FKBP15: variants seen among roughly 807,000 people sequenced by gnomAD.
FKBP15 encodes FKBP prolyl isomerase family member 15, also known as FK506-binding protein 15.
A neutral mutation model predicts 158.1 loss-of-function variants in FKBP15; 106 were observed. That is an observed-to-expected ratio of 0.67 (90% CI 0.57 to 0.79). FKBP15 has a LOEUF of 0.79. FKBP15 is among the 30% of genes least tolerant of loss of function. The pLI is 0.00. For missense variants in FKBP15, 1,287 were observed against 1,479.1 expected (o/e 0.87, Z 2.13); for synonymous variants, 547 against 548.6 (o/e 1.00, Z 0.04).
Position 113,198,905 on chromosome 9 carries a change from T to G in FKBP15, c.667A>C (p.Asn223His). Residue 223 changes from asparagine (N) to histidine (H), a missense_variant, in exon 8 of 28, where the codon AAC (asparagine) becomes CAC (histidine). Asn to His is a moderately conservative substitution (Grantham distance 68). Coordinates refer to ENST00000238256, the MANE Select transcript of FKBP15 (RefSeq NM_015258.2). This position sits in a 1 kb window ranked among gnomAD's most constrained non-coding sequence, Gnocchi z 5.2. Reference sequence around the variant, plus strand: ...TTCAAGCGAAGCAACTTATCTTTGTTAGCAGTGGAGTCGAAAACCTGCAAT... The same window carrying G: ...TTCAAGCGAAGCAACTTATCTTTGTGAGCAGTGGAGTCGAAAACCTGCAAT... ...VLGQVFDSTANKDKLLRLKLG... is the reference protein window; with the variant it reads ...VLGQVFDSTAHKDKLLRLKLG... The G allele has an allele frequency of 6.2e-7, 1 of 1,604,660 alleles. No individual in the cohort carries two copies. Among genetic ancestry groups the G allele is most frequent in the Non-Finnish European group, 8.5e-7 (1 of 1,175,152 alleles).
intron 4 of FKBP15, among the ~76,000 whole-genome samples, chr9:113,203,448 A>G (rs894630145): frequency 2.6e-5 from 4 of 152,188 alleles, no homozygotes; most frequent in African/African-American, 7.2e-5. Context: ...CACCACAGGA[A>G]GCTCCCTCAT....
Position 113,161,605 on chromosome 9 carries a change from A to G in FKBP15, c.*4473T>C. On this transcript the variant is annotated 3_prime_UTR_variant, in exon 28 of 28. Coordinates refer to ENST00000238256, the MANE Select transcript of FKBP15 (RefSeq NM_015258.2). ...AAGCTGCTCAACCAGGTACTGGTGA[A>G]CCTGCCAACCTCCATCAGCCAGCAG... 6.2e-7 allele frequency: 1 copy of G among 1,614,032 alleles called. No homozygotes were observed. Among genetic ancestry groups the G allele is most frequent in the Non-Finnish European group, 8.5e-7 (1 of 1,179,898 alleles).
At chr9:113,201,136 G>A (rs1830783644) in intron 6 of FKBP15, among the ~76,000 whole-genome samples, 1 of 140,042 alleles carries the variant, frequency 7.1e-6, no homozygotes. Flanking sequence ...AAGACCAAAA[G>A]AAAAAAAGGA....
Position 113,161,990 on chromosome 9 carries a change from C to A in FKBP15, c.*4088G>T. On this transcript the variant is annotated 3_prime_UTR_variant, in exon 28 of 28. Transcript: ENST00000238256. ...ATCTAGCAAATGAGGTGGCCACCCA[C>A]CCTCCCCCAAATCTCACCAGTTCCA... 1 of 494,694 alleles carries A rather than the reference C, an allele frequency of 2.0e-6. No homozygotes were observed. The highest frequency in any genetic ancestry group is 1.9e-5 in the South Asian group (1 of 53,892). 30.6% of individuals were successfully genotyped at this position (494,694 alleles called of 1,614,324 possible).
chr9:113,166,706 C>T (rs374155468), intron 27 of FKBP15, among the ~76,000 whole-genome samples: 11 of 152,156 alleles, frequency 7.2e-5, no homozygotes, highest in African/African-American at 2.7e-4. Context: ...GTGAAGAACA[C>T]GGGGCCACAG....
chr9:113,196,298 A>G lies in FKBP15; in HGVS notation c.864+634T>C, dbSNP rs146287443. Among the ~76,000 whole-genome samples the G allele has an allele frequency of 1.6e-4, 24 of 152,288 alleles. No individual in the cohort carries two copies. The East Asian group carries it at 4.0e-3, about 26-fold the overall frequency. On this transcript the variant is annotated intron_variant, in intron 9 of 27. Coordinates refer to ENST00000238256, the MANE Select transcript of FKBP15 (RefSeq NM_015258.2). Reference sequence around the variant, plus strand: ...ATCAAGATAATAAGTTTGTAGCCATAAAATCACTAAGTAAAAAGAATATAC... The same window carrying G: ...ATCAAGATAATAAGTTTGTAGCCATGAAATCACTAAGTAAAAAGAATATAC...
At chr9:113,172,629 C>T (rs1445940456) in intron 23 of FKBP15, among the ~76,000 whole-genome samples, 1 of 152,214 alleles carries the variant, frequency 6.6e-6, no homozygotes, top group Non-Finnish European at 1.5e-5. Context: ...CGCAAAACTT[C>T]ACTTTCTCTT....
chr9:113,189,909 T>C (rs1485476876), intron 12 of FKBP15, among the ~76,000 whole-genome samples: 2 of 152,176 alleles, frequency 1.3e-5, no homozygotes, highest in African/African-American at 2.4e-5. Flanking sequence ...AAAATACATG[T>C]GATATTTATA....
At chr9:113,208,289 A>G (rs953948625) in intron 2 of FKBP15, among the ~76,000 whole-genome samples, 3 of 152,182 alleles carry the variant, frequency 2.0e-5, no homozygotes, top group Non-Finnish European at 4.4e-5. Flanking sequence ...GTGAGCTGAG[A>G]TCGCACCACT....
chr9:113,209,940 A>G (rs1328468951), intron 2 of FKBP15, among the ~76,000 whole-genome samples: 1 of 152,210 alleles, frequency 6.6e-6, no homozygotes, highest in Admixed American at 6.5e-5. Flanking sequence ...TGACAATGCT[A>G]ATGAGGTGAC....
intron 1 of FKBP15, among the ~76,000 whole-genome samples, chr9:113,212,869 A>T (rs1330446367): frequency 6.6e-6 from 1 of 152,214 alleles, no homozygotes; most frequent in Non-Finnish European, 1.5e-5. Flanking sequence ...TTCCCAGCCC[A>T]GAACTTGCTC....
Position 113,186,333 on chromosome 9 carries a change from G to T in FKBP15, c.1414C>A (p.Pro472Thr), listed in dbSNP as rs939530074. Reference sequence around the variant, plus strand: ...TGGGAGGTGACGGCAGATGCCTGGGGATAAGCGTAGGCTTGCATACCTGCA... The same window carrying T: ...TGGGAGGTGACGGCAGATGCCTGGGTATAAGCGTAGGCTTGCATACCTGCA... ...PYAGMQAYAYPQASAVTSQLQ... is the reference protein window; with the variant it reads ...PYAGMQAYAYTQASAVTSQLQ... The change falls in exon 15 of 28, where the codon CCC (proline) becomes ACC (threonine). Residue 472 changes from proline (P) to threonine (T), a missense_variant. Coordinates refer to ENST00000238256, the MANE Select transcript of FKBP15 (RefSeq NM_015258.2). 2.6e-6 allele frequency: 4 copies of T among 1,567,180 alleles called. No homozygotes were observed. Among genetic ancestry groups the T allele is most frequent in the Non-Finnish European group, 3.5e-6 (4 of 1,155,204 alleles).
intron 9 of FKBP15, 102 bp from the exon 10 acceptor site, chr9:113,194,271 T>TG (rs1467474355): frequency 1.1e-6 from 1 of 919,398 alleles, no homozygotes; most frequent in Non-Finnish European, 1.6e-6. Context: ...TGTTGTCGGG[T>TG]GGGGGTAGAG....
At chr9:113,200,798 C>G (rs534946142) in intron 6 of FKBP15, among the ~76,000 whole-genome samples, 7 of 152,106 alleles carry the variant, frequency 4.6e-5, no homozygotes, top group African/African-American at 1.4e-4. Context: ...GTAATCTCAG[C>G]ACTTTGGGAG....
chr9:113,209,825 TC>T (rs1449645791), intron 2 of FKBP15, among the ~76,000 whole-genome samples: 7 of 152,260 alleles, frequency 4.6e-5, no homozygotes, highest in Admixed American at 4.6e-4. Context: ...TCTGCTCAGC[TC>T]ATCACAACAT....
At chr9:113,167,953 A>C (rs1477671045) in intron 27 of FKBP15, among the ~76,000 whole-genome samples, 2 of 152,330 alleles carry the variant, frequency 1.3e-5, no homozygotes, top group Non-Finnish European at 2.9e-5. Context: ...AGGCTGAGTA[A>C]GTGGAAAATG....
Position 113,184,856 on chromosome 9 carries a change from T to C in FKBP15, c.1499-52A>G. On this transcript the variant is annotated intron_variant, in intron 15 of 27. Transcript: ENST00000238256. The surrounding 1 kb of genome is among the most constrained non-coding windows in gnomAD (Gnocchi z 4.5). The stretch of plus-strand genomic sequence containing the variant: ...CTTATGAAACTGGAGCAGAGGAAAC[T>C]GTATGAAGAAAAGCTAGTAGCTCTT... 1 of 1,399,696 alleles carries C rather than the reference T, an allele frequency of 7.1e-7. No homozygotes were observed. Among genetic ancestry groups the C allele is most frequent in the Non-Finnish European group, 9.9e-7 (1 of 1,014,378 alleles). 86.7% of individuals were successfully genotyped at this position (1,399,696 alleles called of 1,614,324 possible). A position where few individuals can be genotyped will look rare whatever the true frequency, so the allele number is the denominator to read the frequency against.
At chr9:113,191,592 G>A (rs1830576268) in intron 11 of FKBP15, among the ~76,000 whole-genome samples, 1 of 150,234 alleles carries the variant, frequency 6.7e-6, no homozygotes. Context: ...AGATTAAAAT[G>A]AGGAAGCTCT....
At chr9:113,194,325 G>A (rs531204384) in intron 9 of FKBP15, among the ~76,000 whole-genome samples, 156 bp from the exon 10 acceptor site, 1 of 152,052 alleles carries the variant, frequency 6.6e-6, no homozygotes, top group South Asian at 2.1e-4. Context: ...TAGATGACAA[G>A]TTAGTGGGTG....
Sources: gnomAD v4.1 joint callset for allele counts (sites outside exome capture counted in the v4.1 genomes callset) on GRCh38, gnomAD v4.1.1 for gene constraint, Gnocchi (gnomAD v3.1) non-coding constraint, MANE v1.5 for transcripts, NCBI Gene and HGNC (gene_info 2026-07-23, HGNC 2026-07-21) for gene names.